RBFOX3: variants seen among roughly 807,000 people sequenced by gnomAD.
RBFOX3 encodes the protein RNA binding fox-1 homolog 3, also known as RNA binding protein fox-1 homolog 3.
RBFOX3 carries 17 observed loss-of-function variants against 48.7 expected under a neutral mutation model. That is an observed-to-expected ratio of 0.35 (90% confidence interval 0.24 to 0.52). The LOEUF is 0.52. Among genes scored for constraint, RBFOX3 ranks in the 20% least tolerant of loss-of-function variants. The pLI is 0.94. For missense variants in RBFOX3, 382 were observed against 497.5 expected, an observed-to-expected ratio of 0.77 and a Z score of 2.21; for synonymous variants, 212 against 209.5, an observed-to-expected ratio of 1.01 and a Z score of -0.10.
rs781618072 is a variant in RBFOX3, at chr17:79,403,782, C to CTTTTTTTT, written c.-175+78664_-175+78671dup. 1.3e-3 allele frequency among the ~76,000 whole-genome samples: 161 copies of CTTTTTTTT among 124,224 alleles called. 1 individual carries two copies. Among genetic ancestry groups the CTTTTTTTT allele is most frequent in the Non-Finnish European group, 2.0e-3 (122 of 61,372 alleles). The allele number at this position is 124,224 out of a possible 152,430, so 81.5% of individuals were successfully genotyped here. On this transcript the variant is annotated intron_variant, in intron 2 of 14. Coordinates refer to ENST00000693108, the MANE Select transcript of RBFOX3 (RefSeq NM_001350451.2). Reference sequence around the variant, plus strand: ...GCACAAGCTCCCAGATGTTCTTTTTCTTTTTTTTTTTTTTTTTTTGAGATG... The same window carrying CTTTTTTTT: ...GCACAAGCTCCCAGATGTTCTTTTTCTTTTTTTTTTTTTTTTTTTTTTTTTTTGAGATG...
intron 1 of RBFOX3, among the ~76,000 whole-genome samples, chr17:79,509,261 G>A (rs1029801659): frequency 9.9e-5 from 15 of 152,156 alleles, no homozygotes; most frequent in African/African-American, 2.9e-4. Context: ...CGCCAGAGCC[G>A]GTGTTTCAGC....
chr17:79,242,845 G>A lies in RBFOX3; in HGVS notation c.-73-7040C>T, dbSNP rs564043138. On this transcript the variant is annotated intron_variant, in intron 3 of 14. Coordinates refer to ENST00000693108, the MANE Select transcript of RBFOX3 (RefSeq NM_001350451.2). This position sits in a 1 kb window ranked among gnomAD's most constrained non-coding sequence, Gnocchi z 5.8. ...TTTTGCCTCCTCTCCCAGGAAGCCC[G>A]GGCAGGGCTCCACAGCAACCTGCCT... 1.3e-5 allele frequency among the ~76,000 whole-genome samples: 2 copies of A among 152,148 alleles called. No individual in the cohort carries two copies. The highest frequency in any genetic ancestry group is 2.4e-5 in the African/African-American group (1 of 41,446).
chr17:79,150,040 G>A (rs1329667379), intron 4 of RBFOX3, among the ~76,000 whole-genome samples: 1 of 33,392 alleles, frequency 3.0e-5, no homozygotes, highest in Non-Finnish European at 7.4e-5. Flanking sequence ...GGGGGTGGGG[G>A]TGGGGGATGG....
intron 2 of RBFOX3, among the ~76,000 whole-genome samples, chr17:79,368,125 T>G (rs1024377272): frequency 5.9e-5 from 9 of 152,224 alleles, no homozygotes; most frequent in Non-Finnish European, 1.3e-4. Flanking sequence ...CATCCTTTAT[T>G]ACGCATTGGC....
At chr17:79,459,549 G>A (rs573291463) in intron 2 of RBFOX3, among the ~76,000 whole-genome samples, 4 of 152,280 alleles carry the variant, frequency 2.6e-5, no homozygotes, top group Admixed American at 2.0e-4. Context: ...GACACCAGGC[G>A]AGGGACCAGG....
chr17:79,635,130 G>A, the RBFOX3 span, among the ~76,000 whole-genome samples: 6 of 140,352 alleles, frequency 4.3e-5, no homozygotes, highest in African/African-American at 1.6e-4. Flanking sequence ...TGATATCTAA[G>A]GTTCCTTCTG....
chr17:79,380,775 T>C (rs1441196811), intron 2 of RBFOX3, among the ~76,000 whole-genome samples: 2 of 151,424 alleles, frequency 1.3e-5, no homozygotes, highest in South Asian at 2.1e-4. Flanking sequence ...TCTGGTGCCC[T>C]GCCACCACAC....
chr17:79,112,514 G>C (rs545202080), intron 5 of RBFOX3, among the ~76,000 whole-genome samples: 1 of 152,262 alleles, frequency 6.6e-6, no homozygotes, highest in South Asian at 2.1e-4. Context: ...GAGGATCCTG[G>C]GGTGGAGGAG....
intron 1 of RBFOX3, among the ~76,000 whole-genome samples, chr17:79,534,825 C>T (rs966754931): frequency 6.6e-5 from 10 of 152,212 alleles, no homozygotes; most frequent in South Asian, 2.1e-4. Flanking sequence ...TTCAGGAAAA[C>T]GCCCACCTGC....
At chr17:79,318,668 C>T (rs1055285061) in intron 2 of RBFOX3, among the ~76,000 whole-genome samples, 1 of 151,850 alleles carries the variant, frequency 6.6e-6, no homozygotes, top group Non-Finnish European at 1.5e-5. Context: ...TCCTGGCTAA[C>T]ACGGCGAAAC....
chr17:79,283,782 T>G (rs1331407003), intron 3 of RBFOX3, among the ~76,000 whole-genome samples: 1 of 152,256 alleles, frequency 6.6e-6, no homozygotes, highest in African/African-American at 2.4e-5. Context: ...CCATCCTGTT[T>G]CTTTGTGCTT....
chr17:79,124,604 A>G (rs925957206), intron 4 of RBFOX3, among the ~76,000 whole-genome samples: 2 of 152,232 alleles, frequency 1.3e-5, no homozygotes, highest in African/African-American at 2.4e-5. Context: ...ACCAGGGGCC[A>G]TGACAGAGAG....
At chr17:79,332,913 C>T in intron 2 of RBFOX3, among the ~76,000 whole-genome samples, 1 of 103,368 alleles carries the variant, frequency 9.7e-6, no homozygotes, top group African/African-American at 4.0e-5. Context: ...CAGAGAGAGA[C>T]AGAGGCAGAA....
chr17:79,267,664 T>C (rs1265321522), intron 3 of RBFOX3, among the ~76,000 whole-genome samples: 1 of 152,146 alleles, frequency 6.6e-6, no homozygotes, highest in East Asian at 1.9e-4. Flanking sequence ...GTGCTGGGAT[T>C]ACAGGTGTGA....
intron 4 of RBFOX3, among the ~76,000 whole-genome samples, chr17:79,178,340 G>A (rs933160953): frequency 6.6e-6 from 1 of 152,240 alleles, no homozygotes; most frequent in Non-Finnish European, 1.5e-5. Context: ...GAAAAGCCAA[G>A]AAAGAGCTTA....
At chr17:79,167,244 A>G (rs533781677) in intron 4 of RBFOX3, among the ~76,000 whole-genome samples, 1 of 152,320 alleles carries the variant, frequency 6.6e-6, no homozygotes, top group South Asian at 2.1e-4. Flanking sequence ...TGCCAGGCAC[A>G]GTGCCAGGCT....
rs187353417 is a variant in RBFOX3 at position 79,093,325 on chromosome 17, G to A, written c.1077+1126C>T. On this transcript the variant is annotated intron_variant, in intron 14 of 14. Transcript: ENST00000693108. The stretch of plus-strand genomic sequence containing the variant: ...GAAAAGAACAACACAGCAAGTGCAA[G>A]AGAAGAAAAATTGGGGAAAAATAGA... 3.9e-3 allele frequency among the ~76,000 whole-genome samples: 589 copies of A among 152,116 alleles called. 4 individuals are homozygous for A. Among genetic ancestry groups the A allele is most frequent in the African/African-American group, 0.013 (532 of 41,546 alleles).
chr17:79,352,548 C>T lies in RBFOX3; in HGVS notation c.-174-44724G>A, dbSNP rs116413435. On this transcript the variant is annotated intron_variant, in intron 2 of 14. Coordinates refer to ENST00000693108, the MANE Select transcript of RBFOX3 (RefSeq NM_001350451.2). Reference sequence around the variant, plus strand: ...GGAATGCATGGTCTCCAAGTGCCTTCCATTCACTGGCCAGGCACCGCTGTC... The same window carrying T: ...GGAATGCATGGTCTCCAAGTGCCTTTCATTCACTGGCCAGGCACCGCTGTC... Among the ~76,000 whole-genome samples the T allele has an allele frequency of 2.5e-3, 378 of 152,328 alleles. 1 individual carries two copies. Among genetic ancestry groups the T allele is most frequent in the African/African-American group, 8.6e-3 (359 of 41,568 alleles).
intron 3 of RBFOX3, among the ~76,000 whole-genome samples, chr17:79,237,480 C>T (rs1317566563): frequency 6.6e-6 from 1 of 152,214 alleles, no homozygotes; most frequent in East Asian, 1.9e-4. Context: ...GCTGGCCCGT[C>T]CCCCAGAGCA....
Sources: allele counts gnomAD v4.1 joint callset (sites outside exome capture counted in the v4.1 genomes callset), GRCh38; gene constraint gnomAD v4.1.1; non-coding constraint Gnocchi (gnomAD v3.1); transcripts MANE v1.5; gene names NCBI Gene and HGNC (gene_info 2026-07-23, HGNC 2026-07-21).